ZMIZ1: variants seen among roughly 807,000 people sequenced by gnomAD.
ZMIZ1 encodes zinc finger MIZ-type containing 1, also known as zinc finger MIZ domain-containing protein 1.
ZMIZ1 carries 17 observed loss-of-function variants against 113.9 expected under a neutral mutation model. The observed-to-expected ratio is 0.15, with a 90% CI of 0.10 to 0.22. The LOEUF is 0.22. Among genes scored for constraint, ZMIZ1 ranks in the 10% least tolerant of loss-of-function variants. The pLI is 1.00. For missense variants in ZMIZ1, 1,059 were observed against 1,477.8 expected, an observed-to-expected ratio of 0.72 and a Z score of 4.65; for synonymous variants, 607 against 603.1, an observed-to-expected ratio of 1.01 and a Z score of -0.09.
chr10:79,106,251 C>G (rs1843553337), intron 1 of ZMIZ1, among the ~76,000 whole-genome samples: 1 of 152,234 alleles, frequency 6.6e-6, no homozygotes, highest in Non-Finnish European at 1.5e-5. Flanking sequence ...CCCTAGCTCT[C>G]CCAGATGTGG....
At chr10:79,207,130 G>T (rs143573413) in intron 5 of ZMIZ1, among the ~76,000 whole-genome samples, 1,573 of 152,294 alleles carry the variant, frequency 0.01, 32 homozygotes, top group African/African-American at 0.036. Flanking sequence ...CCAATTCTGG[G>T]CCCTGCGGCT....
chr10:79,304,257 G>C, intron 19 of ZMIZ1, 82 bp downstream of exon 19: 1 of 1,538,252 alleles, frequency 6.5e-7, no homozygotes, highest in East Asian at 2.3e-5. Context: ...AGGGGCAACA[G>C]AGCCTGTCCT....
In ZMIZ1 at chr10:79,118,726, G is replaced by A. The variant is rs564632277; in HGVS notation, c.-336-189G>A. Among the ~76,000 whole-genome samples, 34 of 152,342 alleles carry A rather than the reference G, an allele frequency of 2.2e-4. No homozygotes were observed. The highest frequency in any genetic ancestry group is 7.0e-4 in the African/African-American group (29 of 41,584). ...CCGGTGCTGGGGCTTCGAATGTGAC[G>A]TTCAGGAGCTGCGACCTTTATTTGG... On this transcript the variant is annotated intron_variant, in intron 1 of 24. Coordinates refer to ENST00000334512, the MANE Select transcript of ZMIZ1 (RefSeq NM_020338.4). The surrounding 1 kb of genome is among the most constrained non-coding windows in gnomAD (Gnocchi z 4.1).
intron 4 of ZMIZ1, among the ~76,000 whole-genome samples, chr10:79,197,987 T>A (rs1441346028): frequency 1.3e-5 from 2 of 152,138 alleles, no homozygotes; most frequent in Admixed American, 6.5e-5. Flanking sequence ...TGGCCAGGTG[T>A]GGTGGCTCAC....
At chr10:79,080,250 A>G (rs1166438191) in intron 1 of ZMIZ1, among the ~76,000 whole-genome samples, 1 of 147,000 alleles carries the variant, frequency 6.8e-6, no homozygotes, top group African/African-American at 2.5e-5. Flanking sequence ...GAGCTCCACA[A>G]CCTCCCTGCG....
Position 79,310,873 on chromosome 10 carries a change from C to T in ZMIZ1, c.2836-51C>T, listed in dbSNP as rs781775323. 72 of 1,568,172 alleles carry T rather than the reference C, an allele frequency of 4.6e-5. No individual in the cohort carries two copies. The Middle Eastern group carries it at 5.1e-4, about 11-fold the overall frequency. On this transcript the variant is annotated intron_variant, in intron 23 of 24. Transcript: ENST00000334512. ...TTTCATTTTCTCCAGGCATCATCGC[C>T]GTGCCTCCTCACCTCACCTCTCTTC...
intron 7 of ZMIZ1, among the ~76,000 whole-genome samples, chr10:79,217,294 G>A (rs1235134505): frequency 2.0e-5 from 3 of 152,232 alleles, no homozygotes; most frequent in East Asian, 3.9e-4. Context: ...GTGTGGTGGC[G>A]GGCGCCTGTA....
chr10:79,216,378 G>A (rs1387289540), intron 7 of ZMIZ1, 104 bp downstream of exon 7: 2 of 1,033,464 alleles, frequency 1.9e-6, no homozygotes, highest in African/African-American at 3.3e-5. Flanking sequence ...GCCTCCATTT[G>A]TCTAGGTGTA....
intron 7 of ZMIZ1, among the ~76,000 whole-genome samples, chr10:79,264,458 C>T (rs192402471): frequency 6.6e-6 from 1 of 152,234 alleles, no homozygotes; most frequent in South Asian, 2.1e-4. Context: ...CAGGGCACCT[C>T]TCCCCTCTCC....
chr10:79,305,631 G>A (rs72818263), intron 21 of ZMIZ1, 30 bp downstream of exon 21: 26,946 of 1,604,200 alleles, frequency 0.017, 340 homozygotes, highest in Non-Finnish European at 0.018. Flanking sequence ...GGGGCAGGGG[G>A]TGGGAGGGGA....
intron 8 of ZMIZ1, 45 bp downstream of exon 8, chr10:79,277,370 C>T (rs1419274121): frequency 2.0e-6 from 3 of 1,521,216 alleles, no homozygotes; most frequent in Non-Finnish European, 2.6e-6. Context: ...GCAGACACCC[C>T]TCTGGTCTCA....
chr10:79,135,527 C>G (rs1215503644), intron 2 of ZMIZ1, among the ~76,000 whole-genome samples: 1 of 152,256 alleles, frequency 6.6e-6, no homozygotes, highest in Non-Finnish European at 1.5e-5. Flanking sequence ...CCTGTTTCCC[C>G]TGGCATTGAT....
At chr10:79,182,859 G>A (rs771980711) in intron 4 of ZMIZ1, among the ~76,000 whole-genome samples, 4 of 152,230 alleles carry the variant, frequency 2.6e-5, no homozygotes, top group African/African-American at 4.8e-5. Context: ...TGCATGGTAC[G>A]TATCCATTAG....
intron 7 of ZMIZ1, among the ~76,000 whole-genome samples, chr10:79,249,010 G>T (rs1850379263): frequency 6.6e-6 from 1 of 152,166 alleles, no homozygotes; most frequent in South Asian, 2.1e-4. Flanking sequence ...TGATCTGATG[G>T]GCAGCTTCAC....
chr10:79,251,954 G>A (rs535171117), intron 7 of ZMIZ1, among the ~76,000 whole-genome samples: 2 of 152,280 alleles, frequency 1.3e-5, no homozygotes, highest in South Asian at 4.1e-4. Context: ...CTTCTAGGAG[G>A]CCACTCGGGC....
chr10:79,113,428 CAA>C, intron 1 of ZMIZ1, among the ~76,000 whole-genome samples: 1 of 152,180 alleles, frequency 6.6e-6, no homozygotes, highest in Non-Finnish European at 1.5e-5. Flanking sequence ...GGGTGAACCC[CAA>C]CCTCCTGCCC....
At chr10:79,178,085 G>A (rs1302019237) in intron 4 of ZMIZ1, among the ~76,000 whole-genome samples, 2 of 152,188 alleles carry the variant, frequency 1.3e-5, no homozygotes, top group Non-Finnish European at 2.9e-5. Flanking sequence ...GTGATGGGGT[G>A]CTGCTGGGGA....
intron 2 of ZMIZ1, among the ~76,000 whole-genome samples, chr10:79,129,528 G>A (rs558408560): frequency 4.3e-4 from 65 of 152,242 alleles, no homozygotes; most frequent in African/African-American, 1.5e-3. Flanking sequence ...ATCCCCCAGG[G>A]CCTGGCTCCA....
At chr10:79,255,568 C>T (rs1201100396) in intron 7 of ZMIZ1, among the ~76,000 whole-genome samples, 8 of 152,130 alleles carry the variant, frequency 5.3e-5, no homozygotes, top group Non-Finnish European at 1.0e-4. Context: ...GCCCGCTCCC[C>T]TCTTATTTCT....
Sources: gnomAD v4.1 joint callset for allele counts (sites outside exome capture counted in the v4.1 genomes callset) on GRCh38, gnomAD v4.1.1 for gene constraint, Gnocchi (gnomAD v3.1) non-coding constraint, MANE v1.5 for transcripts, NCBI Gene and HGNC (gene_info 2026-07-23, HGNC 2026-07-21) for gene names.